Variants in CUL1 observed in about 807,000 individuals in gnomAD.
The protein encoded by CUL1 is cullin 1, also known as cullin-1.
Under a neutral mutation model 118.0 loss-of-function variants are expected in CUL1, and 24 were observed. The ratio of observed to expected loss-of-function variants is 0.20; its 90% CI spans 0.15 to 0.29. CUL1 has a LOEUF of 0.29. CUL1 is among the 10% of genes least tolerant of loss of function. The probability of loss-of-function intolerance (pLI) is 1.00; values close to 1 mark genes in which losing one functional copy is unlikely to be tolerated. For missense variants in CUL1, 361 were observed against 933.8 expected, an observed-to-expected ratio of 0.39 and a Z score of 7.99; for synonymous variants, 332 against 340.4, an observed-to-expected ratio of 0.98 and a Z score of 0.27.
chr7:148,783,443 C>T (rs1415386742), intron 9 of CUL1: 7 of 985,326 alleles, frequency 7.1e-6, no homozygotes, highest in Non-Finnish European at 8.4e-6. Flanking sequence ...GTCCAGAGTT[C>T]CACTGTTTAA....
At chr7:148,743,484 A>G (rs73745353) in intron 2 of CUL1, among the ~76,000 whole-genome samples, 8,221 of 152,280 alleles carry the variant, frequency 0.054, 780 homozygotes, top group African/African-American at 0.19. Flanking sequence ...GAATGTTACA[A>G]CTGCCCATAC....
chr7:148,728,697 ATGT>A (rs1267426822), intron 1 of CUL1, among the ~76,000 whole-genome samples: 7 of 152,252 alleles, frequency 4.6e-5, no homozygotes, highest in Non-Finnish European at 8.8e-5. Flanking sequence ...ATCAGGAATG[ATGT>A]TGTAGATTCA....
intron 11 of CUL1, among the ~76,000 whole-genome samples, chr7:148,785,205 G>A (rs1035524619): frequency 6.6e-6 from 1 of 152,030 alleles, no homozygotes; most frequent in Non-Finnish European, 1.5e-5. Context: ...GGTTTAATGT[G>A]TAATTTAACA....
intron 1 of CUL1, among the ~76,000 whole-genome samples, chr7:148,717,733 G>A (rs1798262299): frequency 6.6e-6 from 1 of 152,032 alleles, no homozygotes; most frequent in African/African-American, 2.4e-5. Flanking sequence ...GTCTTCCCTT[G>A]GACATCAGCC....
chr7:148,797,419 A>G (rs989234909), intron 17 of CUL1, among the ~76,000 whole-genome samples: 2 of 147,500 alleles, frequency 1.4e-5, no homozygotes, highest in Non-Finnish European at 3.0e-5. Context: ...AAAAATGCTC[A>G]TGGCGCAGTT....
chr7:148,697,796 C>G (rs1797572085), upstream of CUL1: 1 of 152,288 alleles, frequency 6.6e-6, no homozygotes, highest in African/African-American at 2.4e-5. Flanking sequence ...GGTTCCACCA[C>G]GCTTCCTCCA....
rs1049868831 is a variant in CUL1, at chr7:148,786,731, C to G, written c.1347+132C>G. On this transcript the variant is annotated intron_variant, in intron 12 of 21. Transcript: ENST00000325222. The stretch of plus-strand genomic sequence containing the variant: ...ATTTTATTTTGAATCTCTGGTTTTA[C>G]TTCCTAAATTGAGTTACTACTTTTA... The G allele has an allele frequency of 8.0e-6, 7 of 869,830 alleles. No homozygotes were observed. The African/African-American group carries it at 1.2e-4, about 15-fold the overall frequency. The allele number at this position is 869,830 out of a possible 1,614,324, so 53.9% of individuals were successfully genotyped here. A position where few individuals can be genotyped will look rare whatever the true frequency, so the allele number is the denominator to read the frequency against.
chr7:148,739,162 C>T (rs1799058609), intron 2 of CUL1, among the ~76,000 whole-genome samples: 1 of 152,150 alleles, frequency 6.6e-6, no homozygotes, highest in African/African-American at 2.4e-5. Flanking sequence ...TTGAATTATC[C>T]CAATAGCGCT....
chr7:148,747,252 C>G (rs1021539947), intron 2 of CUL1, among the ~76,000 whole-genome samples: 1 of 152,064 alleles, frequency 6.6e-6, no homozygotes, highest in Admixed American at 6.5e-5. Flanking sequence ...CCATAGATTG[C>G]CAAGGAACAG....
chr7:148,743,914 T>C (rs1799225047), intron 2 of CUL1, among the ~76,000 whole-genome samples: 1 of 152,258 alleles, frequency 6.6e-6, no homozygotes, highest in Non-Finnish European at 1.5e-5. Context: ...AGAGCAAGAC[T>C]CCATCTCAAA....
intron 1 of CUL1, among the ~76,000 whole-genome samples, chr7:148,721,140 T>A (rs1423919295): frequency 6.6e-6 from 1 of 152,254 alleles, no homozygotes; most frequent in African/African-American, 2.4e-5. Context: ...TTTAACGTGC[T>A]AAATTGTTTT....
intron 1 of CUL1, among the ~76,000 whole-genome samples, chr7:148,715,102 T>G (rs1256120217): frequency 6.6e-6 from 1 of 152,246 alleles, no homozygotes; most frequent in Non-Finnish European, 1.5e-5. Flanking sequence ...GTAATTATGC[T>G]TGTATACTGG....
chr7:148,731,739 G>T (rs1264968580), intron 2 of CUL1, among the ~76,000 whole-genome samples: 1 of 152,128 alleles, frequency 6.6e-6, no homozygotes, highest in East Asian at 1.9e-4. Context: ...TTGTCTCTAT[G>T]AATTTGCCCA....
intron 1 of CUL1, among the ~76,000 whole-genome samples, chr7:148,703,827 G>A (rs915833494): frequency 6.6e-6 from 1 of 152,068 alleles, no homozygotes; most frequent in Admixed American, 6.6e-5. Context: ...CACTGCGCCC[G>A]GCCGTGAGGA....
chr7:148,771,915 G>A (rs190221486), intron 9 of CUL1, among the ~76,000 whole-genome samples: 5 of 152,244 alleles, frequency 3.3e-5, no homozygotes, highest in South Asian at 4.1e-4. Context: ...ATTCCTTCAC[G>A]TGGTCATTTT....
At position 148,754,117 on chromosome 7, in the gene CUL1, A is replaced by C; in HGVS notation, c.282A>C (p.Glu94Asp). 1 of 1,611,004 alleles carries C rather than the reference A, an allele frequency of 6.2e-7. No homozygotes were observed. Among genetic ancestry groups the C allele is most frequent in the South Asian group, 1.1e-5 (1 of 90,420 alleles). ...TGGAATTATATAAACGACTTAAGGA[A>C]TTTTTGAAGAATTACTTGACAAATC... ...VGLELYKRLK[E>D]FLKNYLTNLL... The change falls in exon 3 of 22, where the codon GAA (glutamate) becomes GAC (aspartate). Residue 94 changes from glutamate (E) to aspartate (D), a missense_variant. Coordinates refer to ENST00000325222, the MANE Select transcript of CUL1 (RefSeq NM_003592.3).
At chr7:148,759,809 C>T (rs1335397092) in intron 6 of CUL1, among the ~76,000 whole-genome samples, 171 bp downstream of exon 6, 1 of 152,122 alleles carries the variant, frequency 6.6e-6, no homozygotes, top group Admixed American at 6.5e-5. Context: ...TTGTTTTTAT[C>T]CATCATAAAA....
intron 9 of CUL1, among the ~76,000 whole-genome samples, chr7:148,769,309 T>C (rs1800124275): frequency 6.6e-6 from 1 of 151,956 alleles, no homozygotes; most frequent in African/African-American, 2.4e-5. Flanking sequence ...GTACACATAA[T>C]TTTTTTAATT....
chr7:148,768,835 G>T (rs542504158), intron 9 of CUL1, among the ~76,000 whole-genome samples: 4 of 151,930 alleles, frequency 2.6e-5, no homozygotes, highest in South Asian at 2.1e-4. Flanking sequence ...TCTTTTGAAG[G>T]CTTCTTTTCC....
Sources: gnomAD v4.1 joint callset for allele counts (sites outside exome capture counted in the v4.1 genomes callset) on GRCh38, gnomAD v4.1.1 for gene constraint, MANE v1.5 for transcripts, NCBI Gene and HGNC (gene_info 2026-07-23, HGNC 2026-07-21) for gene names.